The following POU6F2 variants were observed in gnomAD, a reference collection of about 807,000 sequenced individuals.
POU6F2 encodes POU class 6 homeobox 2, also known as POU domain, class 6, transcription factor 2.
Under a neutral mutation model 71.3 loss-of-function variants are expected in POU6F2, and 31 were observed. That is an observed-to-expected ratio of 0.43 (90% CI 0.33 to 0.59). POU6F2 has a LOEUF of 0.59. Among genes scored for constraint, POU6F2 ranks in the 20% least tolerant of loss-of-function variants. The probability of loss-of-function intolerance (pLI) is 0.04; values close to 1 mark genes in which losing one functional copy is unlikely to be tolerated. For missense variants in POU6F2, 783 were observed against 856.8 expected (o/e 0.91, Z 1.07); for synonymous variants, 347 against 355.7 (o/e 0.98, Z 0.27).
At chr7:39,298,802 A>G (rs560749737) in intron 4 of POU6F2, among the ~76,000 whole-genome samples, 20 of 152,362 alleles carry the variant, frequency 1.3e-4, no homozygotes, top group African/African-American at 4.8e-4. Context: ...TGGTACATAT[A>G]CACCGTGGAA....
chr7:39,101,161 A>T (rs911387360), intron 2 of POU6F2, among the ~76,000 whole-genome samples: 1 of 149,742 alleles, frequency 6.7e-6, no homozygotes, highest in Non-Finnish European at 1.5e-5. Context: ...GCAGCCTCCA[A>T]CTCCTGGGTT....
intron 5 of POU6F2, among the ~76,000 whole-genome samples, chr7:39,362,282 A>G (rs59036065): frequency 9.0e-4 from 54 of 59,932 alleles, no homozygotes; most frequent in Non-Finnish European, 1.1e-3. Context: ...CAATGGCCAG[A>G]AAAAAAAAAA....
intron 5 of POU6F2, among the ~76,000 whole-genome samples, chr7:39,384,211 T>C (rs1786888300): frequency 6.6e-6 from 1 of 152,190 alleles, no homozygotes; most frequent in South Asian, 2.1e-4. Flanking sequence ...TGGTCGTGGC[T>C]CATAAAATAA....
rs180782963 is a variant in POU6F2 at position 39,182,250 on chromosome 7, A to G, written c.278-21985A>G. On this transcript the variant is annotated intron_variant, in intron 2 of 9. Coordinates refer to ENST00000518318, the MANE Select transcript of POU6F2 (RefSeq NM_001370959.1). ...ATTTTATTCCACTTCATTCTATTAT[A>G]TATTTTACTATTCTATGTTTTGTAA... Among the ~76,000 whole-genome samples the G allele has an allele frequency of 1.8e-3, 281 of 152,322 alleles. 4 individuals carry two copies. Among genetic ancestry groups the G allele is most frequent in the African/African-American group, 6.4e-3 (267 of 41,574 alleles).
intron 1 of POU6F2, chr7:39,007,004 C>A: frequency 1.2e-6 from 1 of 818,246 alleles, no homozygotes; most frequent in Non-Finnish European, 2.0e-6. Context: ...CCCTTATGCT[C>A]TGATGTGCTG....
intron 4 of POU6F2, among the ~76,000 whole-genome samples, chr7:39,309,409 AC>A (rs1409415749): frequency 2.6e-5 from 4 of 152,184 alleles, no homozygotes; most frequent in African/African-American, 9.7e-5. Context: ...TGGAAAAGAA[AC>A]TTCCTGGAAG....
chr7:39,002,457 C>T (rs537748359), intron 1 of POU6F2, among the ~76,000 whole-genome samples: 6 of 152,294 alleles, frequency 3.9e-5, no homozygotes, highest in South Asian at 2.1e-4. Context: ...AAGCAATTCT[C>T]GTGCCTCAGC....
chr7:39,363,933 C>A (rs1243028831), intron 5 of POU6F2, among the ~76,000 whole-genome samples: 1 of 152,074 alleles, frequency 6.6e-6, no homozygotes, highest in Non-Finnish European at 1.5e-5. Flanking sequence ...TCTTTTCTGG[C>A]ATTTTTCTCT....
intron 1 of POU6F2, among the ~76,000 whole-genome samples, chr7:38,990,876 A>G (rs1788585923): frequency 6.6e-6 from 1 of 152,122 alleles, no homozygotes; most frequent in South Asian, 2.1e-4. Context: ...TAAAAGAGAG[A>G]CGTGTGCTAG....
At chr7:39,089,699 C>T (rs1353168680) in intron 2 of POU6F2, among the ~76,000 whole-genome samples, 1 of 152,114 alleles carries the variant, frequency 6.6e-6, no homozygotes, top group East Asian at 1.9e-4. Context: ...GGAAAATGAT[C>T]ACAGAAAGGA....
intron 4 of POU6F2, among the ~76,000 whole-genome samples, chr7:39,299,395 T>A (rs1311410660): frequency 2.0e-5 from 3 of 152,140 alleles, no homozygotes; most frequent in Non-Finnish European, 4.4e-5. Context: ...TTGGGTCCAC[T>A]TAGAGAGGGA....
chr7:39,363,918 A>G (rs935000323), intron 5 of POU6F2, among the ~76,000 whole-genome samples: 2 of 152,194 alleles, frequency 1.3e-5, no homozygotes, highest in East Asian at 3.9e-4. Flanking sequence ...TCAAGAATAG[A>G]CAATTCTTTT....
At chr7:39,399,553 A>G (rs950139914) in intron 5 of POU6F2, among the ~76,000 whole-genome samples, 6 of 152,198 alleles carry the variant, frequency 3.9e-5, no homozygotes, top group African/African-American at 1.4e-4. Flanking sequence ...AAATGAAGAG[A>G]CACATAAAGC....
At chr7:39,063,291 T>C (rs940352021) in intron 1 of POU6F2, among the ~76,000 whole-genome samples, 2 of 152,192 alleles carry the variant, frequency 1.3e-5, no homozygotes, top group Non-Finnish European at 2.9e-5. Context: ...GGAGGATTAC[T>C]TGAGCCTGAG....
At chr7:39,039,061 T>C (rs1422728896) in intron 1 of POU6F2, among the ~76,000 whole-genome samples, 6 of 151,998 alleles carry the variant, frequency 3.9e-5, no homozygotes, top group Non-Finnish European at 5.9e-5. Flanking sequence ...TTCACATAAG[T>C]TTTGTTGGAC....
chr7:39,203,882 G>A, intron 2 of POU6F2, among the ~76,000 whole-genome samples: 1 of 152,086 alleles, frequency 6.6e-6, no homozygotes, highest in East Asian at 1.9e-4. Flanking sequence ...CCATATTAGG[G>A]GAAATATTGA....
chr7:39,340,135 A>C, intron 5 of POU6F2, 120 bp downstream of exon 5: 1 of 1,318,728 alleles, frequency 7.6e-7, no homozygotes, highest in Non-Finnish European at 1.0e-6. Flanking sequence ...GCAGCATCTA[A>C]TTCAAATTGA....
At chr7:39,175,379 G>A (rs1435059603) in intron 2 of POU6F2, among the ~76,000 whole-genome samples, 1 of 151,986 alleles carries the variant, frequency 6.6e-6, no homozygotes, top group Non-Finnish European at 1.5e-5. Context: ...GTCCAAACTA[G>A]GTCAACTTTT....
chr7:39,019,780 T>C (rs1789640068), intron 1 of POU6F2, among the ~76,000 whole-genome samples: 1 of 152,182 alleles, frequency 6.6e-6, no homozygotes, highest in South Asian at 2.1e-4. Context: ...CTGCAACCTG[T>C]TCTTGTTTTG....
Sources: gnomAD v4.1 joint callset for allele counts (sites outside exome capture counted in the v4.1 genomes callset) on GRCh38, gnomAD v4.1.1 for gene constraint, MANE v1.5 for transcripts, NCBI Gene and HGNC (gene_info 2026-07-23, HGNC 2026-07-21) for gene names.